The following AFG2A variants were observed in gnomAD, a reference collection of about 807,000 sequenced individuals.
The protein encoded by AFG2A is ATPase family gene 2 protein homolog A.
the AFG2A span, among the ~76,000 whole-genome samples, chr4:123,258,507 T>G: frequency 6.6e-6 from 1 of 152,158 alleles, no homozygotes; most frequent in East Asian, 1.9e-4. Flanking sequence ...AAAAATAGAC[T>G]TCAGTTCTCA....
At chr4:123,017,162 AGGGGAG>A in the AFG2A span, among the ~76,000 whole-genome samples, 21,980 of 40,904 alleles carry the variant, frequency 0.54, 3,667 homozygotes, top group South Asian at 0.65. Flanking sequence ...GGGAGAGGGA[AGGGGAG>A]AGGGAGAGGG....
chr4:123,263,721 C>T, the AFG2A span, among the ~76,000 whole-genome samples: 5 of 151,994 alleles, frequency 3.3e-5, no homozygotes, highest in African/African-American at 7.3e-5. Context: ...TAGATGTTGG[C>T]GTGGATGTGC....
chr4:123,236,728 T>G, the AFG2A span, among the ~76,000 whole-genome samples: 6 of 152,138 alleles, frequency 3.9e-5, no homozygotes, highest in Admixed American at 3.9e-4. Flanking sequence ...ACAAGCCATA[T>G]CTCTCAAAGT....
chr4:123,088,942 A>G, the AFG2A span, among the ~76,000 whole-genome samples: 1 of 152,196 alleles, frequency 6.6e-6, no homozygotes, highest in Non-Finnish European at 1.5e-5. Flanking sequence ...ATAGTGTTCA[A>G]TGTTTATTCT....
the AFG2A span, among the ~76,000 whole-genome samples, chr4:123,145,302 T>G: frequency 2.6e-4 from 40 of 152,028 alleles, no homozygotes; most frequent in African/African-American, 9.4e-4. Flanking sequence ...TGTGGACAGA[T>G]ACATCAGGGA....
At chr4:122,929,035 G>A in the AFG2A span, 1 of 1,611,528 alleles carries the variant, frequency 6.2e-7, no homozygotes, top group African/African-American at 1.3e-5. Flanking sequence ...TCCTCTGTCT[G>A]GCAGGTGTAT....
the AFG2A span, among the ~76,000 whole-genome samples, chr4:123,215,088 A>G: frequency 1.5e-4 from 23 of 152,234 alleles, no homozygotes; most frequent in African/African-American, 5.1e-4. Flanking sequence ...TGAAGACTCA[A>G]AATAATATCA....
chr4:122,923,348 A>G, the AFG2A span: 1 of 1,610,594 alleles, frequency 6.2e-7, no homozygotes, highest in Non-Finnish European at 8.5e-7. Context: ...AGGGGGCGCA[A>G]CCTGAGGGGC....
chr4:123,044,452 A>G, the AFG2A span, among the ~76,000 whole-genome samples: 1 of 152,130 alleles, frequency 6.6e-6, no homozygotes, highest in South Asian at 2.1e-4. Flanking sequence ...TGAACTTTTC[A>G]TAAAGCATCA....
the AFG2A span, among the ~76,000 whole-genome samples, chr4:122,951,720 A>G: frequency 6.6e-6 from 1 of 152,140 alleles, no homozygotes; most frequent in South Asian, 2.1e-4. Flanking sequence ...GGCCTGTATC[A>G]TCAATCCAGA....
chr4:123,284,962 A>G, the AFG2A span, among the ~76,000 whole-genome samples: 110,651 of 152,052 alleles, frequency 0.73, 41,341 homozygotes, highest in Non-Finnish European at 0.81. Context: ...ACTTTTGGAT[A>G]GTGTGTTCCT....
At chr4:123,248,404 G>C in the AFG2A span, among the ~76,000 whole-genome samples, 1 of 152,100 alleles carries the variant, frequency 6.6e-6, no homozygotes, top group East Asian at 1.9e-4. Context: ...TTATGAAATC[G>C]TATTCCTGGA....
the AFG2A span, among the ~76,000 whole-genome samples, chr4:123,268,612 G>A: frequency 6.6e-6 from 1 of 152,178 alleles, no homozygotes; most frequent in East Asian, 1.9e-4. Flanking sequence ...AGCTATTCTT[G>A]AAATTTCTGA....
the AFG2A span, among the ~76,000 whole-genome samples, chr4:123,140,512 A>ATTTTT: frequency 7.1e-6 from 1 of 139,976 alleles, no homozygotes; most frequent in South Asian, 2.3e-4. Flanking sequence ...TTTTTTTTTA[A>ATTTTT]AAAAGCGATT....
At chr4:123,273,908 A>T in the AFG2A span, among the ~76,000 whole-genome samples, 2 of 152,136 alleles carry the variant, frequency 1.3e-5, no homozygotes, top group Admixed American at 1.3e-4. Flanking sequence ...CTTAACCTGT[A>T]CTGAGGTGAC....
At chr4:123,079,379 A>C in the AFG2A span, among the ~76,000 whole-genome samples, 2 of 152,166 alleles carry the variant, frequency 1.3e-5, no homozygotes, top group Non-Finnish European at 2.9e-5. Flanking sequence ...TAGAGAGCAT[A>C]TATATAACTA....
chr4:123,052,426 C>T, the AFG2A span, among the ~76,000 whole-genome samples: 4 of 152,190 alleles, frequency 2.6e-5, no homozygotes, highest in African/African-American at 9.7e-5. Context: ...GGTCACATAT[C>T]TCTATCACTT....
At chr4:123,244,572 C>T in the AFG2A span, among the ~76,000 whole-genome samples, 9 of 152,346 alleles carry the variant, frequency 5.9e-5, no homozygotes, top group Non-Finnish European at 1.2e-4. Context: ...ATAACTTTAG[C>T]ACAGAATATT....
chr4:123,313,924 C>G, the AFG2A span: 5 of 1,609,524 alleles, frequency 3.1e-6, no homozygotes, highest in African/African-American at 2.7e-5. Flanking sequence ...TCTTCTGGCT[C>G]TGGAAGAAGA....
Sources: gnomAD v4.1 joint callset for allele counts (sites outside exome capture counted in the v4.1 genomes callset) on GRCh38, gnomAD v4.1.1 for gene constraint, MANE v1.5 for transcripts, NCBI Gene and HGNC (gene_info 2026-07-23, HGNC 2026-07-21) for gene names.